The following THSD7B variants were observed in gnomAD, a reference collection of about 807,000 sequenced individuals.
THSD7B encodes the protein thrombospondin type-1 domain-containing protein 7B.
A neutral mutation model predicts 213.6 loss-of-function variants in THSD7B; 138 were observed. The observed-to-expected ratio is 0.65, with a 90% confidence interval of 0.56 to 0.74. The LOEUF (loss-of-function observed/expected upper bound fraction) is 0.74. Ranked by LOEUF, THSD7B falls within the 30% of genes least tolerant of loss-of-function variation. The pLI is 0.00. For missense variants in THSD7B, 1,931 were observed against 1,991.5 expected, an observed-to-expected ratio of 0.97 and a Z score of 0.58; for synonymous variants, 742 against 687.0, an observed-to-expected ratio of 1.08 and a Z score of -1.25.
intron 11 of THSD7B, among the ~76,000 whole-genome samples, chr2:137,274,753 C>T (rs926771667): frequency 6.6e-6 from 1 of 151,934 alleles, no homozygotes; most frequent in African/African-American, 2.4e-5. Context: ...GGACTAAAAT[C>T]CCTTACCTTT....
chr2:136,896,028 T>C (rs561865009), intron 2 of THSD7B, among the ~76,000 whole-genome samples: 24 of 152,364 alleles, frequency 1.6e-4, no homozygotes, highest in African/African-American at 5.8e-4. Context: ...TTCTACTCTT[T>C]GGCTGCTATG....
intron 2 of THSD7B, among the ~76,000 whole-genome samples, chr2:136,927,762 T>G (rs1246896044): frequency 6.6e-6 from 1 of 152,210 alleles, no homozygotes; most frequent in Non-Finnish European, 1.5e-5. Context: ...GCACAGCTAG[T>G]GCTTAGGAGT....
At chr2:137,321,254 G>A (rs1684259790) in intron 12 of THSD7B, among the ~76,000 whole-genome samples, 1 of 152,094 alleles carries the variant, frequency 6.6e-6, no homozygotes, top group African/African-American at 2.4e-5. Flanking sequence ...AATTATGTAT[G>A]GTGTAGAATA....
chr2:137,611,899 A>G (rs1286484623), intron 17 of THSD7B, among the ~76,000 whole-genome samples: 1 of 152,166 alleles, frequency 6.6e-6, no homozygotes, highest in Non-Finnish European at 1.5e-5. Context: ...GACTATAAAA[A>G]GAAAATTCTT....
intron 2 of THSD7B, among the ~76,000 whole-genome samples, chr2:136,913,389 A>C (rs1424889351): frequency 6.6e-6 from 1 of 152,234 alleles, no homozygotes; most frequent in African/African-American, 2.4e-5. Flanking sequence ...AGAAAAACTC[A>C]CTTTCTGGGG....
At chr2:136,858,507 C>A (rs147984471) in intron 1 of THSD7B, among the ~76,000 whole-genome samples, 1 of 152,162 alleles carries the variant, frequency 6.6e-6, no homozygotes, top group African/African-American at 2.4e-5. Context: ...GGTAATACAT[C>A]AAAAATGTCT....
At chr2:137,198,114 A>G (rs982505945) in intron 7 of THSD7B, among the ~76,000 whole-genome samples, 1 of 152,096 alleles carries the variant, frequency 6.6e-6, no homozygotes, top group Admixed American at 6.6e-5. Context: ...ATCTTTACCA[A>G]AGGATAAAAA....
chr2:137,523,596 A>G (rs1413704658), intron 15 of THSD7B, among the ~76,000 whole-genome samples: 1 of 152,202 alleles, frequency 6.6e-6, no homozygotes, highest in Non-Finnish European at 1.5e-5. Flanking sequence ...TTGCATACTC[A>G]ATAATTGTCT....
At chr2:136,883,531 G>GT in intron 2 of THSD7B, among the ~76,000 whole-genome samples, 1 of 152,118 alleles carries the variant, frequency 6.6e-6, no homozygotes, top group African/African-American at 2.4e-5. Flanking sequence ...TGGGAATGGG[G>GT]TTATTTTGTT....
intron 20 of THSD7B, among the ~76,000 whole-genome samples, chr2:137,632,331 T>C (rs1682757403): frequency 6.6e-6 from 1 of 152,230 alleles, no homozygotes; most frequent in Non-Finnish European, 1.5e-5. Context: ...AATATGTTCT[T>C]GCCTCGCAAC....
At chr2:137,638,060 G>C (rs1019439339) in intron 20 of THSD7B, among the ~76,000 whole-genome samples, 1 of 152,220 alleles carries the variant, frequency 6.6e-6, no homozygotes, top group African/African-American at 2.4e-5. Flanking sequence ...TGTATGATTT[G>C]AGTGATGCTG....
chr2:137,454,116 A>G (rs923806787), intron 15 of THSD7B, among the ~76,000 whole-genome samples: 1 of 152,196 alleles, frequency 6.6e-6, no homozygotes, highest in Admixed American at 6.5e-5. Flanking sequence ...AAATTTTTGT[A>G]GTAAATGCCC....
chr2:137,112,096 G>A (rs915286479), intron 4 of THSD7B, among the ~76,000 whole-genome samples: 1 of 152,124 alleles, frequency 6.6e-6, no homozygotes, highest in Non-Finnish European at 1.5e-5. Flanking sequence ...AGGGAGTAAC[G>A]TTTAGCTGAG....
At chr2:137,208,323 G>A (rs528060533) in intron 7 of THSD7B, among the ~76,000 whole-genome samples, 5 of 152,110 alleles carry the variant, frequency 3.3e-5, no homozygotes, top group Admixed American at 2.0e-4. Context: ...CTAAATTACC[G>A]AGGTTGAAAG....
At chr2:136,971,401 CATGAT>C (rs546169989) in intron 2 of THSD7B, among the ~76,000 whole-genome samples, 206 of 152,080 alleles carry the variant, frequency 1.4e-3, no homozygotes, top group African/African-American at 4.8e-3. Flanking sequence ...CACAGTCACT[CATGAT>C]ATGTTGTACC....
At chr2:137,026,270 T>C (rs1361201195) in intron 2 of THSD7B, among the ~76,000 whole-genome samples, 1 of 152,142 alleles carries the variant, frequency 6.6e-6, no homozygotes, top group Non-Finnish European at 1.5e-5. Context: ...AAAGTTCTTG[T>C]TTAGAACCTA....
At chr2:136,831,449 ATCTG>A (rs1682754174) in intron 1 of THSD7B, among the ~76,000 whole-genome samples, 2 of 152,192 alleles carry the variant, frequency 1.3e-5, no homozygotes, top group Non-Finnish European at 2.9e-5. Flanking sequence ...CAACCTAATC[ATCTG>A]GCTTCAGATT....
At chr2:137,591,793 A>G (rs1326815432) in intron 17 of THSD7B, among the ~76,000 whole-genome samples, 3 of 151,888 alleles carry the variant, frequency 2.0e-5, no homozygotes, top group Non-Finnish European at 4.4e-5. Flanking sequence ...AGGTTCACAA[A>G]TGTTTGTTTA....
chr2:137,210,823 A>AAT (rs70978206), intron 7 of THSD7B, among the ~76,000 whole-genome samples: 1 of 150,540 alleles, frequency 6.6e-6, no homozygotes, highest in Non-Finnish European at 1.5e-5. Flanking sequence ...GTTAAAAAAA[A>AAT]GTTATTTCAG....
Sources: gnomAD v4.1 joint callset for allele counts (sites outside exome capture counted in the v4.1 genomes callset) on GRCh38, gnomAD v4.1.1 for gene constraint, MANE v1.5 for transcripts, NCBI Gene and HGNC (gene_info 2026-07-23, HGNC 2026-07-21) for gene names.